The following CCDC172 variants were observed in gnomAD, a reference collection of about 807,000 sequenced individuals.
The protein encoded by CCDC172 is coiled-coil domain-containing protein 172.
Under a neutral mutation model 38.0 loss-of-function variants are expected in CCDC172, and 30 were observed. That is an observed-to-expected ratio of 0.79 (90% CI 0.59 to 1.07). The LOEUF is 1.07. Ranked by LOEUF, CCDC172 falls within the 50% of genes least tolerant of loss-of-function variation. The pLI, the probability that CCDC172 is intolerant of heterozygous loss-of-function variation, is 0.00. For missense variants in CCDC172, 297 were observed against 290.1 expected, an observed-to-expected ratio of 1.02 and a Z score of -0.17; for synonymous variants, 78 against 88.3, an observed-to-expected ratio of 0.88 and a Z score of 0.66.
intron 7 of CCDC172, among the ~76,000 whole-genome samples, chr10:116,373,001 G>A (rs138122796): frequency 3.6e-4 from 55 of 152,128 alleles, no homozygotes; most frequent in African/African-American, 1.3e-3. Flanking sequence ...TCTTGCAAAC[G>A]GACTACATTA....
At chr10:116,350,684 C>A (rs1229470597) in intron 5 of CCDC172, among the ~76,000 whole-genome samples, 1 of 151,950 alleles carries the variant, frequency 6.6e-6, no homozygotes, top group Non-Finnish European at 1.5e-5. Flanking sequence ...ATATATGACA[C>A]TTTTCTTTGC....
chr10:116,327,639 G>T (rs1200017234), intron 3 of CCDC172, among the ~76,000 whole-genome samples: 1 of 152,044 alleles, frequency 6.6e-6, no homozygotes, highest in Non-Finnish European at 1.5e-5. Context: ...TCATAAGCAT[G>T]CATTGCTTTT....
intron 5 of CCDC172, among the ~76,000 whole-genome samples, chr10:116,343,940 A>AT (rs370777290): frequency 3.9e-5 from 6 of 152,040 alleles, no homozygotes; most frequent in Non-Finnish European, 8.8e-5. Context: ...AGAATATTGG[A>AT]TTTTTTTCTT....
intron 3 of CCDC172, among the ~76,000 whole-genome samples, chr10:116,332,710 T>C (rs541049977): frequency 3.3e-5 from 5 of 152,240 alleles, no homozygotes; most frequent in Admixed American, 2.6e-4. Flanking sequence ...TTTTAAACAA[T>C]CTATAATTCC....
chr10:116,362,841 C>T (rs968848399), intron 7 of CCDC172, among the ~76,000 whole-genome samples: 5 of 152,176 alleles, frequency 3.3e-5, no homozygotes, highest in Non-Finnish European at 7.3e-5. Context: ...CATTTATTCA[C>T]TAACAGAAGT....
At chr10:116,361,218 C>T (rs1022853032) in intron 7 of CCDC172, among the ~76,000 whole-genome samples, 1 of 151,964 alleles carries the variant, frequency 6.6e-6, no homozygotes, top group Non-Finnish European at 1.5e-5. Context: ...CTCCTGACCC[C>T]AAGTGATACA....
At position 116,351,486 on chromosome 10, in the gene CCDC172, C is replaced by T. The variant is rs1300977889; in HGVS notation, c.449-5894C>T. 2.0e-5 allele frequency among the ~76,000 whole-genome samples: 3 copies of T among 152,064 alleles called. No homozygotes were observed. In the East Asian group the frequency reaches 5.8e-4, roughly 29 times the overall value. On this transcript the variant is annotated intron_variant, in intron 5 of 8. Coordinates refer to ENST00000333254, the MANE Select transcript of CCDC172 (RefSeq NM_198515.3). ...TTGAGCATCTACTGTATATACTACACCAGGCACTGTTCAGAAATTGGGATT... is the reference window on the plus strand; with the variant it reads ...TTGAGCATCTACTGTATATACTACATCAGGCACTGTTCAGAAATTGGGATT...
rs1025170227 is a variant in CCDC172 at position 116,379,446 on chromosome 10, A to T, written c.*88A>T. 3.5e-5 allele frequency: 27 copies of T among 781,178 alleles called. No individual in the cohort carries two copies. The African/African-American group carries it at 4.5e-4, about 13-fold the overall frequency. The allele number at this position is 781,178 out of a possible 1,614,324, so 48.4% of individuals were successfully genotyped here. ...GATAGATATATGAATGGTACCCGTT[A>T]CAACGGATCCTTGTGGGAAATATGG... On this transcript the variant is annotated 3_prime_UTR_variant, in exon 9 of 9. Coordinates refer to ENST00000333254, the MANE Select transcript of CCDC172 (RefSeq NM_198515.3).
intron 2 of CCDC172, 49 bp from the exon 3 acceptor site, chr10:116,325,254 G>T: frequency 6.4e-7 from 1 of 1,558,618 alleles, no homozygotes; most frequent in Non-Finnish European, 8.8e-7. Flanking sequence ...CCACCAAAAT[G>T]GGGACTTTAG....
At chr10:116,366,911 A>G (rs11592675) in intron 7 of CCDC172, among the ~76,000 whole-genome samples, 18,345 of 152,126 alleles carry the variant, frequency 0.12, 1,655 homozygotes, top group African/African-American at 0.25. Flanking sequence ...GACTACGTAT[A>G]TGGTTGAGCA....
intron 3 of CCDC172, among the ~76,000 whole-genome samples, chr10:116,329,774 A>G (rs1264888149): frequency 6.6e-6 from 1 of 152,160 alleles, no homozygotes; most frequent in African/African-American, 2.4e-5. Flanking sequence ...GGTGGCACCA[A>G]ACTGTACTAG....
chr10:116,345,170 G>A (rs1256374526), intron 5 of CCDC172, among the ~76,000 whole-genome samples: 2 of 152,164 alleles, frequency 1.3e-5, no homozygotes, highest in Non-Finnish European at 2.9e-5. Context: ...TAAATAGCTG[G>A]AACAGAAGAG....
chr10:116,371,012 C>G (rs1168757621), intron 7 of CCDC172, among the ~76,000 whole-genome samples: 2 of 151,464 alleles, frequency 1.3e-5, no homozygotes, highest in African/African-American at 2.4e-5. Flanking sequence ...TTTATTTTGT[C>G]TCTCAAACTA....
intron 7 of CCDC172, among the ~76,000 whole-genome samples, chr10:116,361,814 T>A (rs1200685618): frequency 2.0e-5 from 3 of 152,186 alleles, no homozygotes; most frequent in South Asian, 2.1e-4. Context: ...ATAAACTCAA[T>A]ATGGTATTAA....
At chr10:116,342,584 T>C (rs2134924497) in intron 5 of CCDC172, among the ~76,000 whole-genome samples, 1 of 152,240 alleles carries the variant, frequency 6.6e-6, no homozygotes, top group African/African-American at 2.4e-5. Flanking sequence ...CAGGAGAAGC[T>C]AGGAATAAGT....
chr10:116,371,596 C>T (rs917690679), intron 7 of CCDC172, among the ~76,000 whole-genome samples: 8 of 151,918 alleles, frequency 5.3e-5, no homozygotes, highest in Non-Finnish European at 1.5e-5. Flanking sequence ...TAATTTAGAT[C>T]AATTTATATA....
At chr10:116,372,084 A>G (rs1266520016) in intron 7 of CCDC172, among the ~76,000 whole-genome samples, 1 of 152,080 alleles carries the variant, frequency 6.6e-6, no homozygotes, top group African/African-American at 2.4e-5. Flanking sequence ...TGGGCTTCAG[A>G]GCTGAAGTTA....
At chr10:116,373,486 A>G (rs1159811021) in intron 7 of CCDC172, among the ~76,000 whole-genome samples, 3 of 152,216 alleles carry the variant, frequency 2.0e-5, no homozygotes, top group East Asian at 1.9e-4. Context: ...TTCTTATCCT[A>G]TAAGTGTAGC....
chr10:116,356,623 G>A (rs1258681409), intron 5 of CCDC172, among the ~76,000 whole-genome samples: 2 of 152,150 alleles, frequency 1.3e-5, no homozygotes, highest in East Asian at 3.9e-4. Flanking sequence ...TATGGCAGAA[G>A]AGAAAGAATA....
Sources: gnomAD v4.1 joint callset for allele counts (sites outside exome capture counted in the v4.1 genomes callset) on GRCh38, gnomAD v4.1.1 for gene constraint, MANE v1.5 for transcripts, NCBI Gene and HGNC (gene_info 2026-07-23, HGNC 2026-07-21) for gene names.